Variants in MAP7 observed in about 807,000 individuals in gnomAD.
MAP7 encodes the protein microtubule associated protein 7.
Under a neutral mutation model 94.8 loss-of-function variants are expected in MAP7, and 52 were observed. The observed-to-expected ratio is 0.55, with a 90% CI of 0.44 to 0.69. The LOEUF is 0.69. Among genes scored for constraint, MAP7 ranks in the 30% least tolerant of loss-of-function variants. The pLI is 0.00. For missense variants in MAP7, 940 were observed against 964.6 expected (o/e 0.97, Z 0.34); for synonymous variants, 350 against 357.0 (o/e 0.98, Z 0.22).
chr6:136,361,257 C>T (rs1238611847), intron 11 of MAP7, 78 bp from the exon 12 acceptor site: 24 of 1,495,280 alleles, frequency 1.6e-5, no homozygotes, highest in African/African-American at 2.8e-5. Flanking sequence ...GTCGGTGGTT[C>T]TGTAGGGCGG....
At chr6:136,461,316 A>G (rs1482033782) in intron 1 of MAP7, among the ~76,000 whole-genome samples, 9 of 152,192 alleles carry the variant, frequency 5.9e-5, no homozygotes, top group Non-Finnish European at 1.3e-4. Context: ...AAACATTATT[A>G]CTGAATACTT....
chr6:136,480,397 G>A (rs1282795057), intron 1 of MAP7, among the ~76,000 whole-genome samples: 1 of 151,986 alleles, frequency 6.6e-6, no homozygotes. Context: ...ACTACTAAAA[G>A]AAAATATTGG....
chr6:136,485,555 ATTTTTT>A (rs747333121), intron 1 of MAP7, among the ~76,000 whole-genome samples: 20 of 98,160 alleles, frequency 2.0e-4, no homozygotes, highest in Non-Finnish European at 2.8e-4. Context: ...TCCACTTCAG[ATTTTTT>A]TTTTTTTTTT....
chr6:136,354,648 G>C (rs898688500), intron 16 of MAP7, among the ~76,000 whole-genome samples: 1 of 151,700 alleles, frequency 6.6e-6, no homozygotes, highest in Non-Finnish European at 1.5e-5. Context: ...TCTTCTAATG[G>C]TTTGACAGGG....
At chr6:136,482,481 A>C (rs975172030) in intron 1 of MAP7, among the ~76,000 whole-genome samples, 5 of 152,018 alleles carry the variant, frequency 3.3e-5, no homozygotes, top group Admixed American at 1.3e-4. Context: ...CATGCCTGTA[A>C]TCCCAGCCAC....
At chr6:136,437,928 T>C (rs1029591512) in intron 1 of MAP7, among the ~76,000 whole-genome samples, 8 of 152,240 alleles carry the variant, frequency 5.3e-5, no homozygotes, top group Admixed American at 2.6e-4. Context: ...AAATTCATGC[T>C]TCATATTCTA....
intron 3 of MAP7, among the ~76,000 whole-genome samples, chr6:136,403,860 A>G (rs1192909309): frequency 1.3e-5 from 2 of 152,174 alleles, no homozygotes; most frequent in Non-Finnish European, 2.9e-5. Context: ...TAACATCCAT[A>G]TTCCTCTCAC....
intron 1 of MAP7, among the ~76,000 whole-genome samples, chr6:136,518,078 T>C (rs3799454): frequency 0.27 from 41,482 of 152,066 alleles, 7,328 homozygotes; most frequent in African/African-American, 0.49. Context: ...ATTAGGAGTA[T>C]GGAGGTGGCT....
At chr6:136,543,747 T>G (rs1345360404) in intron 1 of MAP7, among the ~76,000 whole-genome samples, 1 of 152,156 alleles carries the variant, frequency 6.6e-6, no homozygotes, top group African/African-American at 2.4e-5. Context: ...AACAGATCAG[T>G]GGTTGCCAGG....
intron 2 of MAP7, among the ~76,000 whole-genome samples, chr6:136,412,619 A>G (rs148654159): frequency 2.0e-3 from 307 of 152,250 alleles, no homozygotes; most frequent in African/African-American, 6.9e-3. Flanking sequence ...CAAGTACCCA[A>G]TGTGTTCCAG....
At position 136,343,426 on chromosome 6, in the gene MAP7, CT is replaced by C. The variant is rs2128505341; in HGVS notation, c.*801del. The C allele has an allele frequency of 6.5e-6, 1 of 152,752 alleles. No homozygotes were observed. Among genetic ancestry groups the C allele is most frequent in the South Asian group, 2.1e-4 (1 of 4,826 alleles). 9.5% of individuals were successfully genotyped at this position (152,752 alleles called of 1,614,324 possible). On this transcript the variant is annotated 3_prime_UTR_variant, in exon 18 of 18. Coordinates refer to ENST00000354570, the MANE Select transcript of MAP7 (RefSeq NM_003980.6). The stretch of plus-strand genomic sequence containing the variant: ...CAACATACAGACTTCAGAAATAGCC[CT>C]GAATCATCAGTAACATTCTATCGTG...
intron 1 of MAP7, among the ~76,000 whole-genome samples, chr6:136,471,840 T>A (rs901373512): frequency 3.3e-5 from 5 of 152,216 alleles, no homozygotes; most frequent in Admixed American, 3.3e-4. Flanking sequence ...CCCACTCTTC[T>A]TCCTACCCTT....
intron 1 of MAP7, among the ~76,000 whole-genome samples, chr6:136,464,010 G>A (rs1222947009): frequency 2.0e-5 from 3 of 152,164 alleles, no homozygotes; most frequent in East Asian, 3.8e-4. Flanking sequence ...TGTGGAAGGG[G>A]CTGCCCTCCT....
chr6:136,506,127 CCTAGAAAACCTTTTCTTAACAGCCTCAT>C (rs1164851375), intron 1 of MAP7, among the ~76,000 whole-genome samples: 2 of 152,164 alleles, frequency 1.3e-5, no homozygotes, highest in East Asian at 3.9e-4. Flanking sequence ...TTTATGTTTT[CCTAGAAAACCTTTTCTTAACAGCCTCAT>C]CTCAATTCAA....
At chr6:136,388,317 G>T (rs947887386) in intron 5 of MAP7, 76 bp downstream of exon 5, 19 of 1,088,242 alleles carry the variant, frequency 1.7e-5, no homozygotes, top group Admixed American at 4.3e-5. Context: ...CGCAAACATA[G>T]ATTTAGAAGA....
chr6:136,483,663 A>G (rs1381467904), intron 1 of MAP7, among the ~76,000 whole-genome samples: 1 of 152,212 alleles, frequency 6.6e-6, no homozygotes, highest in Admixed American at 6.5e-5. Flanking sequence ...AATGTAAAAC[A>G]TACCAAAACA....
chr6:136,505,894 C>A (rs1821362999), intron 1 of MAP7, among the ~76,000 whole-genome samples: 1 of 152,130 alleles, frequency 6.6e-6, no homozygotes. Flanking sequence ...GTGGGAAAAA[C>A]AACCATTAGA....
Position 136,389,497 on chromosome 6 carries a change from AC to A in MAP7, c.264del (p.Trp88CysfsTer2). 6.2e-7 allele frequency: 1 copy of A among 1,610,042 alleles called. No homozygotes were observed. Among genetic ancestry groups the A allele is most frequent in the Non-Finnish European group, 8.5e-7 (1 of 1,179,306 alleles). ...TGCCTGGCTCGCTCTTCTCTTTCTA[AC>A]CACACTATTTCTCTTGCAGCTTTGG... is the stretch of plus-strand genomic sequence containing the variant. ...EKQLAAREIV[W>X]LEREERARQH... On this transcript the variant is annotated frameshift_variant, in exon 4 of 18. Transcript: ENST00000354570. LOFTEE classifies it high-confidence loss of function.
intron 1 of MAP7, among the ~76,000 whole-genome samples, chr6:136,429,265 G>C (rs1394154764): frequency 3.9e-5 from 6 of 152,182 alleles, no homozygotes; most frequent in Non-Finnish European, 8.8e-5. Context: ...CTCACCTACA[G>C]TGAGAATCTC....
Sources: gnomAD v4.1 joint callset for allele counts (sites outside exome capture counted in the v4.1 genomes callset) on GRCh38, gnomAD v4.1.1 for gene constraint, MANE v1.5 for transcripts, NCBI Gene and HGNC (gene_info 2026-07-23, HGNC 2026-07-21) for gene names.